Variants in TF observed in about 807,000 individuals in gnomAD.
TF encodes the protein serotransferrin.
In TF, 55 loss-of-function variants were observed where a neutral mutation model predicts 82.4. The observed-to-expected ratio is 0.67, with a 90% confidence interval of 0.54 to 0.84. The LOEUF is 0.84. TF is among the 40% of genes least tolerant of loss of function. The probability of loss-of-function intolerance (pLI) is 0.00; values close to 1 mark genes in which losing one functional copy is unlikely to be tolerated. For missense variants in TF, 737 were observed against 868.4 expected (o/e 0.85, Z 1.90); for synonymous variants, 332 against 332.6 (o/e 1.00, Z 0.02).
chr3:133,751,166 A>T (rs1228487308), intron 2 of TF, among the ~76,000 whole-genome samples: 1 of 152,122 alleles, frequency 6.6e-6, no homozygotes, highest in Non-Finnish European at 1.5e-5. Flanking sequence ...CTACACTGAG[A>T]TGAACCTTGA....
At chr3:133,723,638 T>C in the TF span, among the ~76,000 whole-genome samples, 1 of 77,138 alleles carries the variant, frequency 1.3e-5, no homozygotes. Context: ...TTTGGTTCTT[T>C]TATTATTATT....
chr3:133,762,787 G>A lies in TF; in HGVS notation c.1204-1395G>A, dbSNP rs188392556. Among the ~76,000 whole-genome samples, 27 of 152,236 alleles carry A rather than the reference G, an allele frequency of 1.8e-4. 1 individual carries two copies. In the East Asian group the frequency reaches 5.2e-3, roughly 29 times the overall value. On this transcript the variant is annotated intron_variant, in intron 9 of 16. Coordinates refer to ENST00000402696, the MANE Select transcript of TF (RefSeq NM_001063.4). ...AGGTGCCTTCAAGCTAAAACACAAA[G>A]AATTTAATACACATTACCAGGCAGA...
the TF span, among the ~76,000 whole-genome samples, chr3:133,715,043 C>T: frequency 3.9e-5 from 6 of 152,166 alleles, no homozygotes; most frequent in Non-Finnish European, 5.9e-5. Flanking sequence ...CTATCAATCC[C>T]GCACCTTTCC....
chr3:133,697,679 G>T, the TF span, among the ~76,000 whole-genome samples: 1 of 152,100 alleles, frequency 6.6e-6, no homozygotes, highest in Admixed American at 6.5e-5. Context: ...GTGGAAAAGT[G>T]ATTTATTTCT....
rs71136494 is a variant in TF, at chr3:133,771,743, C to CAA, written c.1687+1193_1687+1194dup. 6.8e-3 allele frequency among the ~76,000 whole-genome samples: 382 copies of CAA among 56,190 alleles called. 8 individuals carry two copies. Among genetic ancestry groups the CAA allele is most frequent in the Middle Eastern group, 0.013 (1 of 76 alleles). 36.9% of individuals were successfully genotyped at this position (56,190 alleles called of 152,430 possible). On this transcript the variant is annotated intron_variant, in intron 14 of 16. Coordinates refer to ENST00000402696, the MANE Select transcript of TF (RefSeq NM_001063.4). ...TGGGCGACAGAGCGAGACTCCGTCT[C>CAA]AAAAAAAAAAAAAAAAAAAAAAAGA...
the TF span, among the ~76,000 whole-genome samples, chr3:133,694,718 G>A: frequency 0.029 from 4,362 of 152,240 alleles, 220 homozygotes; most frequent in African/African-American, 0.099. Context: ...CTTCTTGTGC[G>A]TACCTCGCCC....
chr3:133,672,234 C>T, the TF span, among the ~76,000 whole-genome samples: 2 of 152,116 alleles, frequency 1.3e-5, no homozygotes. Context: ...AACTTTTCCA[C>T]AAGTAAAACT....
intron 14 of TF, among the ~76,000 whole-genome samples, chr3:133,771,610 G>A (rs955368963): frequency 4.6e-5 from 7 of 151,742 alleles, no homozygotes; most frequent in East Asian, 1.9e-4. Flanking sequence ...GGTGGTGGGC[G>A]CCTGTAGTCC....
chr3:133,724,758 A>G, the TF span, among the ~76,000 whole-genome samples: 1 of 152,316 alleles, frequency 6.6e-6, no homozygotes, highest in Middle Eastern at 3.4e-3. Flanking sequence ...GGTATTGCCT[A>G]GGTTTTCTTC....
At position 133,759,453 on chromosome 3, in the gene TF, A is replaced by T; in HGVS notation, c.1203+124A>T. The stretch of plus-strand genomic sequence containing the variant: ...CCTGGCTCCCAGGAACCTTGCCCTG[A>T]CTATGTGAGCACAGCCCCACCGGAG... On this transcript the variant is annotated intron_variant, in intron 9 of 16. Coordinates refer to ENST00000402696, the MANE Select transcript of TF (RefSeq NM_001063.4). 2.5e-6 allele frequency: 3 copies of T among 1,215,798 alleles called. No individual in the cohort carries two copies. The South Asian group carries it at 3.7e-5, about 15-fold the overall frequency. 75.3% of individuals were successfully genotyped at this position (1,215,798 alleles called of 1,614,324 possible).
Position 133,782,422 on chromosome 3 carries a change from T to TACACACAC in TF, c.*3814_*3821dup, listed in dbSNP as rs58611386. The TACACACAC allele has an allele frequency of 4.0e-5, 6 of 150,658 alleles. No individual in the cohort carries two copies. The highest frequency in any genetic ancestry group is 1.2e-4 in the African/African-American group (5 of 40,972). 9.3% of individuals were successfully genotyped at this position (150,658 alleles called of 1,614,324 possible). The stretch of plus-strand genomic sequence containing the variant: ...AGAATGAATGGATAAAGAAACTGTA[T>TACACACAC]ACACACACACACACACACAATGGAA... On this transcript the variant is annotated 3_prime_UTR_variant, in exon 17 of 17. Coordinates refer to ENST00000402696, the MANE Select transcript of TF (RefSeq NM_001063.4).
intron 16 of TF, 194 bp from the exon 17 acceptor site, chr3:133,778,392 G>A: frequency 1.9e-6 from 1 of 533,702 alleles, no homozygotes; most frequent in South Asian, 1.8e-5. Context: ...CTTTGGCGTG[G>A]GGCACTCCCC....
the TF span, among the ~76,000 whole-genome samples, chr3:133,681,852 G>A: frequency 6.6e-6 from 1 of 152,188 alleles, no homozygotes; most frequent in South Asian, 2.1e-4. Flanking sequence ...GAAGAGAGTA[G>A]TGGTTCTCCC....
chr3:133,681,673 AG>A, the TF span, among the ~76,000 whole-genome samples: 1 of 152,170 alleles, frequency 6.6e-6, no homozygotes, highest in Non-Finnish European at 1.5e-5. Context: ...CTCATTGCTG[AG>A]GCTTGAGTAG....
chr3:133,742,559 C>G (rs1933413630), upstream of TF, among the ~76,000 whole-genome samples: 1 of 152,124 alleles, frequency 6.6e-6, no homozygotes, highest in African/African-American at 2.4e-5. Context: ...CAGTCCCCAA[C>G]CCCCTAGCCA....
At chr3:133,750,952 C>T (rs1319846244) in intron 2 of TF, among the ~76,000 whole-genome samples, 3 of 152,070 alleles carry the variant, frequency 2.0e-5, no homozygotes, top group Non-Finnish European at 4.4e-5. Flanking sequence ...AACAAAACCA[C>T]GAAGTGTGTT....
chr3:133,698,185 C>T, the TF span, among the ~76,000 whole-genome samples: 1 of 152,248 alleles, frequency 6.6e-6, no homozygotes, highest in South Asian at 2.1e-4. Context: ...AGCCTGCTCC[C>T]ACTCTGTAGA....
At chr3:133,764,342 A>G in intron 10 of TF, 67 bp downstream of exon 10, 1 of 1,341,842 alleles carries the variant, frequency 7.5e-7, no homozygotes, top group Non-Finnish European at 1.1e-6. Context: ...AGATGGAAAA[A>G]TCACAGTCTG....
the TF span, among the ~76,000 whole-genome samples, chr3:133,667,482 C>T: frequency 2.3e-4 from 35 of 152,062 alleles, 1 homozygote; most frequent in African/African-American, 6.0e-4. Flanking sequence ...CATTACAACC[C>T]GACCATGTGG....
Sources: allele counts gnomAD v4.1 joint callset (sites outside exome capture counted in the v4.1 genomes callset), GRCh38; gene constraint gnomAD v4.1.1; transcripts MANE v1.5; gene names NCBI Gene and HGNC (gene_info 2026-07-23, HGNC 2026-07-21).